The following STAG1 variants were observed in gnomAD, a reference collection of about 807,000 sequenced individuals.
STAG1 encodes the protein STAG1 cohesin complex component.
STAG1 carries 26 observed loss-of-function variants against 170.9 expected under a neutral mutation model. The ratio of observed to expected loss-of-function variants is 0.15; its 90% confidence interval spans 0.11 to 0.21. STAG1 has a LOEUF of 0.21. Among genes scored for constraint, STAG1 ranks in the 10% least tolerant of loss-of-function variants. The pLI, the probability that STAG1 is intolerant of heterozygous loss-of-function variation, is 1.00. For missense variants in STAG1, 964 were observed against 1,509.5 expected (o/e 0.64, Z 5.99); for synonymous variants, 514 against 497.7 (o/e 1.03, Z -0.44).
chr3:136,519,463 T>C (rs531326761), intron 7 of STAG1, among the ~76,000 whole-genome samples: 2 of 152,218 alleles, frequency 1.3e-5, no homozygotes, highest in Middle Eastern at 3.4e-3. Context: ...AACTTCTGCA[T>C]AAAAGTAAAT....
intron 7 of STAG1, among the ~76,000 whole-genome samples, chr3:136,504,146 G>T (rs1466465775): frequency 6.6e-6 from 1 of 152,034 alleles, no homozygotes; most frequent in Non-Finnish European, 1.5e-5. Context: ...TTGTTATTCG[G>T]AAACTCTATC....
intron 1 of STAG1, among the ~76,000 whole-genome samples, chr3:136,728,269 A>G (rs1051782019): frequency 5.9e-5 from 9 of 152,254 alleles, no homozygotes; most frequent in African/African-American, 2.2e-4. Flanking sequence ...AATAAACTAT[A>G]AAGTACCACA....
At chr3:136,730,587 A>G (rs118187098) in intron 1 of STAG1, among the ~76,000 whole-genome samples, 1 of 152,364 alleles carries the variant, frequency 6.6e-6, no homozygotes, top group East Asian at 1.9e-4. Context: ...GTACACTATT[A>G]TAATCAGAAC....
chr3:136,529,925 A>G (rs990833979), intron 6 of STAG1, among the ~76,000 whole-genome samples: 4 of 152,180 alleles, frequency 2.6e-5, no homozygotes, highest in African/African-American at 9.7e-5. Context: ...TAAATATTCC[A>G]CTAAAAAGAC....
rs894333532 is a variant in STAG1 at position 136,577,655 on chromosome 3, CCT to C, written c.298-8796_298-8795del. ...TCCTGAAGACTTACCAAAACCAGCC[CCT>C]GATGCCACTAGATCCATGACTAGGG... On this transcript the variant is annotated intron_variant, in intron 4 of 33. Coordinates refer to ENST00000383202, the MANE Select transcript of STAG1 (RefSeq NM_005862.3). Among the ~76,000 whole-genome samples, 23 of 152,212 alleles carry C rather than the reference CCT, an allele frequency of 1.5e-4. No homozygotes were observed. The East Asian group carries it at 1.5e-3, about 10-fold the overall frequency.
intron 4 of STAG1, chr3:136,586,802 CTGAG>C: frequency 2.2e-6 from 1 of 456,078 alleles, no homozygotes; most frequent in Non-Finnish European, 4.4e-6. Context: ...CTTAGCTCAC[CTGAG>C]TATGTGGTAA....
chr3:136,588,824 C>T (rs1937987134), intron 4 of STAG1, among the ~76,000 whole-genome samples: 1 of 152,070 alleles, frequency 6.6e-6, no homozygotes, highest in Admixed American at 6.6e-5. Flanking sequence ...AGTGCAATGG[C>T]ACAATCTCAG....
At chr3:136,650,500 T>C (rs1267652177) in intron 1 of STAG1, among the ~76,000 whole-genome samples, 1 of 152,190 alleles carries the variant, frequency 6.6e-6, no homozygotes, top group Non-Finnish European at 1.5e-5. Flanking sequence ...AAAATCTGGA[T>C]AGATCTAAAT....
chr3:136,340,845 TTATG>T (rs1935937737), intron 31 of STAG1, among the ~76,000 whole-genome samples: 1 of 152,172 alleles, frequency 6.6e-6, no homozygotes, highest in Admixed American at 6.5e-5. Flanking sequence ...TAACATTTAT[TTATG>T]TGTCAATTAC....
chr3:136,624,312 G>A (rs1939997527), intron 2 of STAG1, among the ~76,000 whole-genome samples: 1 of 151,990 alleles, frequency 6.6e-6, no homozygotes, highest in African/African-American at 2.4e-5. Flanking sequence ...GTGTTAGCCA[G>A]GATGGTCTCG....
intron 12 of STAG1, among the ~76,000 whole-genome samples, chr3:136,469,892 C>A (rs1393151266): frequency 6.6e-6 from 1 of 152,152 alleles, no homozygotes; most frequent in Non-Finnish European, 1.5e-5. Context: ...GGAAAGGATT[C>A]CCTATTTAAT....
chr3:136,557,348 G>T lies in STAG1; in HGVS notation c.394+11417C>A, dbSNP rs1001878537. ...AGGGTTACTTGATATATGCTAATGGGGTCATTGTACAATCAAGAAAAACTG... is the reference window on the plus strand; with the variant it reads ...AGGGTTACTTGATATATGCTAATGGTGTCATTGTACAATCAAGAAAAACTG... On this transcript the variant is annotated intron_variant, in intron 5 of 33. Coordinates refer to ENST00000383202, the MANE Select transcript of STAG1 (RefSeq NM_005862.3). Among the ~76,000 whole-genome samples, 44 of 152,148 alleles carry T rather than the reference G, an allele frequency of 2.9e-4. 1 individual carries two copies. The highest frequency in any genetic ancestry group is 1.0e-3 in the African/African-American group (43 of 41,520).
intron 9 of STAG1, among the ~76,000 whole-genome samples, chr3:136,490,227 G>T (rs1337431671): frequency 1.3e-5 from 2 of 151,846 alleles, no homozygotes; most frequent in Non-Finnish European, 2.9e-5. Flanking sequence ...TATTAGTAGA[G>T]ACAGGGTTTC....
Position 136,646,008 on chromosome 3 carries a change from C to A in STAG1, c.-83-15027G>T, listed in dbSNP as rs28390205. Among the ~76,000 whole-genome samples the A allele has an allele frequency of 1.8e-4, 27 of 152,256 alleles. No homozygotes were observed. In the East Asian group the frequency reaches 5.0e-3, roughly 28 times the overall value. On this transcript the variant is annotated intron_variant, in intron 1 of 33. Transcript: ENST00000383202. Reference sequence around the variant, plus strand: ...GACCTACTTCATGTGCTACACTCCACAGCCCGACACTTTAACCAATATGAC... The same window carrying A: ...GACCTACTTCATGTGCTACACTCCAAAGCCCGACACTTTAACCAATATGAC...
chr3:136,512,482 A>T (rs1230302005), intron 7 of STAG1, among the ~76,000 whole-genome samples: 1 of 152,188 alleles, frequency 6.6e-6, no homozygotes, highest in East Asian at 1.9e-4. Flanking sequence ...GCAGTCAAGC[A>T]ATTCCTTTAT....
In STAG1 at chr3:136,604,362, C is replaced by G; in HGVS notation, c.244G>C (p.Gly82Arg). 1 of 1,613,548 alleles carries G rather than the reference C, an allele frequency of 6.2e-7. No individual in the cohort carries two copies. Among genetic ancestry groups the G allele is most frequent in the Non-Finnish European group, 8.5e-7 (1 of 1,179,796 alleles). ...ANGHPQQNGE[G>R]EPVTLFEVVK... ...ACCTCAAATAATGTGACAGGCTCCC[C>G]TTCCCCATTCTGTTGAGGGTGTCCA... is the stretch of plus-strand genomic sequence containing the variant. The change falls in exon 4 of 34, where the codon GGG becomes CGG. Residue 82 changes from glycine to arginine, a missense_variant. This residue lies in a region of STAG1 where 108 missense variants were observed against 120.2 expected (regional missense o/e 0.90). Coordinates refer to ENST00000383202, the MANE Select transcript of STAG1 (RefSeq NM_005862.3).
chr3:136,589,346 C>CA (rs971192660), intron 4 of STAG1, among the ~76,000 whole-genome samples: 1 of 150,482 alleles, frequency 6.6e-6, no homozygotes, highest in Non-Finnish European at 1.5e-5. Context: ...TAAAAACAAA[C>CA]AAAAAAAAAT....
At chr3:136,700,616 C>T (rs1354536192) in intron 1 of STAG1, among the ~76,000 whole-genome samples, 1 of 151,872 alleles carries the variant, frequency 6.6e-6, no homozygotes, top group Non-Finnish European at 1.5e-5. Context: ...AGACGGGTTT[C>T]ACCATGTTGG....
chr3:136,586,257 T>TACAC (rs375352308), intron 4 of STAG1, among the ~76,000 whole-genome samples: 2,001 of 150,584 alleles, frequency 0.013, 22 homozygotes, highest in Middle Eastern at 0.034. Flanking sequence ...CATATACATA[T>TACAC]ACACACACAC....
Sources: allele counts gnomAD v4.1 joint callset (sites outside exome capture counted in the v4.1 genomes callset), GRCh38; gene constraint gnomAD v4.1.1; regional missense constraint gnomAD v4.1.1; transcripts MANE v1.5; gene names NCBI Gene and HGNC (gene_info 2026-07-23, HGNC 2026-07-21).